REPS2: variants seen among roughly 807,000 people sequenced by gnomAD.
The protein encoded by REPS2 is RALBP1 associated Eps domain containing 2, also known as ralBP1-associated Eps domain-containing protein 2.
REPS2 carries 23 observed loss-of-function variants against 53.6 expected under a neutral mutation model. The observed-to-expected ratio is 0.43, with a 90% CI of 0.31 to 0.61. REPS2 has a LOEUF of 0.61. REPS2 is among the 20% of genes least tolerant of loss of function. The pLI is 0.11. For synonymous variants in REPS2, 238 were observed against 218.6 expected, an observed-to-expected ratio of 1.09 and a Z score of -0.78; for missense variants, 446 against 534.9, an observed-to-expected ratio of 0.83 and a Z score of 1.64.
intron 1 of REPS2, among the ~76,000 whole-genome samples, chrX:16,953,520 A>G (rs2060549873): frequency 9.0e-6 from 1 of 111,639 alleles, no homozygotes; most frequent in Non-Finnish European, 1.9e-5. Flanking sequence ...CTTTTATTGT[A>G]TGTATATGTG....
At chrX:17,096,658 T>A (rs2062705103) in intron 13 of REPS2, among the ~76,000 whole-genome samples, 1 of 9,937 alleles carries the variant, frequency 1.0e-4, no homozygotes, top group Non-Finnish European at 1.5e-4. Flanking sequence ...AGACTCCGTC[T>A]CAAAAAAAAA....
intron 1 of REPS2, among the ~76,000 whole-genome samples, chrX:16,982,410 TGAA>T (rs1356285171): frequency 8.9e-6 from 1 of 112,213 alleles, no homozygotes; most frequent in Non-Finnish European, 1.9e-5. Flanking sequence ...GCAGAATCCC[TGAA>T]GCACTTTTAG....
chrX:16,979,616 T>C (rs1260512728), intron 1 of REPS2, among the ~76,000 whole-genome samples: 1 of 111,968 alleles, frequency 8.9e-6, no homozygotes, highest in Non-Finnish European at 1.9e-5. Flanking sequence ...TTATTAACAT[T>C]TATTTAATGT....
chrX:17,077,519 G>A (rs755818313), intron 13 of REPS2, 112 bp downstream of exon 13: 9 of 805,030 alleles, frequency 1.1e-5, no homozygotes, highest in South Asian at 9.9e-5. Flanking sequence ...TGGCAGTTTC[G>A]CATTCCGTGA....
chrX:16,982,014 T>G (rs1346288601), intron 1 of REPS2, among the ~76,000 whole-genome samples: 2 of 111,784 alleles, frequency 1.8e-5, no homozygotes, highest in African/African-American at 6.5e-5. Context: ...ACCTACTTTC[T>G]GTCTCTATGA....
At chrX:17,016,815 C>T (rs2061503692) in intron 2 of REPS2, among the ~76,000 whole-genome samples, 1 of 89,661 alleles carries the variant, frequency 1.1e-5, no homozygotes, top group African/African-American at 4.3e-5. Context: ...GCGGGATGTA[C>T]AGAAATAGGC....
At chrX:17,130,764 G>A (rs2063281567) in intron 14 of REPS2, among the ~76,000 whole-genome samples, 1 of 111,833 alleles carries the variant, frequency 8.9e-6, no homozygotes, top group Admixed American at 9.5e-5. Flanking sequence ...GTGGTTATAA[G>A]CTTAGCTTTG....
intron 5 of REPS2, chrX:17,044,462 T>C (rs1211542260): frequency 1.7e-5 from 2 of 117,934 alleles, no homozygotes; most frequent in East Asian, 5.0e-4. Flanking sequence ...GGGCTCCTTT[T>C]TGACCGCAGC....
chrX:17,027,637 T>C (rs1263720241), intron 4 of REPS2, among the ~76,000 whole-genome samples: 2 of 107,432 alleles, frequency 1.9e-5, no homozygotes, highest in Non-Finnish European at 3.8e-5. Context: ...GACACTGAAC[T>C]TCAGAGTGAT....
At chrX:17,182,440 C>T in the REPS2 span, among the ~76,000 whole-genome samples, 1 of 111,805 alleles carries the variant, frequency 8.9e-6, no homozygotes, top group African/African-American at 3.3e-5. Flanking sequence ...GGTAACTTTA[C>T]CATGATAGTT....
At chrX:17,129,548 C>T (rs1307493293) in intron 14 of REPS2, among the ~76,000 whole-genome samples, 2 of 111,930 alleles carry the variant, frequency 1.8e-5, no homozygotes, top group African/African-American at 6.5e-5. Context: ...CCTGACATAA[C>T]ACCATGCAGT....
Position 17,077,556 on chromosome X carries a change from T to C in REPS2, c.1516+149T>C. On this transcript the variant is annotated intron_variant, in intron 13 of 17. Transcript: ENST00000357277. The stretch of plus-strand genomic sequence containing the variant: ...GGTCTTCACGTGGCTATGGTATTCT[T>C]GGGAGAGAAAGCAATTCTAGACACA... The C allele has an allele frequency of 7.4e-6, 4 of 543,693 alleles. No homozygotes were observed. The East Asian group carries it at 1.2e-4, about 16-fold the overall frequency. 44.8% of individuals were successfully genotyped at this position (543,693 alleles called of 1,213,427 possible).
At chrX:17,043,192 G>A in intron 5 of REPS2, among the ~76,000 whole-genome samples, 1 of 111,453 alleles carries the variant, frequency 9.0e-6, no homozygotes, top group Middle Eastern at 4.6e-3. Flanking sequence ...GGGGGGGTAG[G>A]TTAGCACACT....
At chrX:17,115,435 A>G (rs1485272765) in intron 14 of REPS2, among the ~76,000 whole-genome samples, 2 of 112,398 alleles carry the variant, frequency 1.8e-5, no homozygotes, top group African/African-American at 6.5e-5. Flanking sequence ...GGAACATACA[A>G]TCGGGTTTTA....
At chrX:17,111,019 C>T (rs886501107) in intron 14 of REPS2, among the ~76,000 whole-genome samples, 1 of 111,648 alleles carries the variant, frequency 9.0e-6, no homozygotes, top group African/African-American at 3.3e-5. Context: ...GTCTCAACAA[C>T]AACAACAGAA....
the REPS2 span, among the ~76,000 whole-genome samples, chrX:17,188,752 T>A: frequency 8.9e-6 from 1 of 112,357 alleles, no homozygotes; most frequent in Non-Finnish European, 1.9e-5. Context: ...GATTTTTTTT[T>A]ATTATTATCC....
At chrX:17,015,774 G>T (rs1421997976) in intron 2 of REPS2, among the ~76,000 whole-genome samples, 5 of 111,862 alleles carry the variant, frequency 4.5e-5, no homozygotes, top group Non-Finnish European at 9.4e-5. Flanking sequence ...GTATTCCATG[G>T]TGTATATGTG....
chrX:17,142,857 T>G (rs1348284239), intron 17 of REPS2, among the ~76,000 whole-genome samples: 1 of 112,285 alleles, frequency 8.9e-6, no homozygotes, highest in African/African-American at 3.2e-5. Context: ...AATGAAAATT[T>G]ATGTTCGCTC....
At chrX:17,177,913 A>G in the REPS2 span, among the ~76,000 whole-genome samples, 1 of 110,897 alleles carries the variant, frequency 9.0e-6, no homozygotes, top group Non-Finnish European at 1.9e-5. Flanking sequence ...TCTGGTCTCA[A>G]CTCTACAGGC....
Sources: allele counts gnomAD v4.1 joint callset (sites outside exome capture counted in the v4.1 genomes callset), GRCh38; gene constraint gnomAD v4.1.1; transcripts MANE v1.5; gene names NCBI Gene and HGNC (gene_info 2026-07-23, HGNC 2026-07-21).